Variants in SETBP1 observed in about 807,000 individuals in gnomAD.
SETBP1 encodes SET binding protein 1.
SETBP1 carries 9 observed loss-of-function variants against 101.0 expected under a neutral mutation model. The ratio of observed to expected loss-of-function variants is 0.09; its 90% CI spans 0.05 to 0.16. SETBP1 has a LOEUF of 0.16. Ranked by LOEUF, SETBP1 falls within the 10% of genes least tolerant of loss-of-function variation. The probability of loss-of-function intolerance (pLI) is 1.00; values close to 1 mark genes in which losing one functional copy is unlikely to be tolerated. For missense variants in SETBP1, 1,858 were observed against 2,033.8 expected, an observed-to-expected ratio of 0.91 and a Z score of 1.66; for synonymous variants, 818 against 788.5, an observed-to-expected ratio of 1.04 and a Z score of -0.63.
At chr18:45,030,216 A>T (rs2073262470) in intron 4 of SETBP1, among the ~76,000 whole-genome samples, 1 of 132,244 alleles carries the variant, frequency 7.6e-6, no homozygotes, top group Non-Finnish European at 1.6e-5. Flanking sequence ...AGTTTTTAGC[A>T]TGAAGGGTTG....
Position 44,952,916 on chromosome 18 carries a change from C to T in SETBP1, c.3576C>T (p.Ser1192=), listed in dbSNP as rs201826395. Residue 1192 remains serine, a synonymous_variant, in exon 4 of 6, where the codon AGC becomes AGT. Coordinates refer to ENST00000649279, the MANE Select transcript of SETBP1 (RefSeq NM_015559.3). ...SSHILSERLS[S]ADKELPLVSE... ...ACATCCTGAGCGAGCGGCTGAGTAG[C>T]GCAGACAAAGAGCTCCCGCTGGTGA... is the stretch of plus-strand genomic sequence containing the variant. 269 of 1,614,156 alleles carry T rather than the reference C, an allele frequency of 1.7e-4. 1 individual carries two copies. The highest frequency in any genetic ancestry group is 1.5e-3 in the Middle Eastern group (9 of 6,062).
At chr18:45,029,617 C>T (rs1353311126) in intron 4 of SETBP1, among the ~76,000 whole-genome samples, 3 of 152,172 alleles carry the variant, frequency 2.0e-5, no homozygotes, top group African/African-American at 7.2e-5. Flanking sequence ...TGGCCATTTT[C>T]ATGATATTGA....
intron 1 of SETBP1, among the ~76,000 whole-genome samples, chr18:44,686,102 A>G (rs2068835609): frequency 6.6e-6 from 1 of 152,242 alleles, no homozygotes; most frequent in South Asian, 2.1e-4. Flanking sequence ...TAGCCCCTCT[A>G]AAGAAAAGAA....
At chr18:44,986,241 A>G (rs2072230771) in intron 4 of SETBP1, 1 of 152,244 alleles carries the variant, frequency 6.6e-6, no homozygotes, top group Non-Finnish European at 1.5e-5. Flanking sequence ...GCATTTGAGT[A>G]TCTAAACATA....
At chr18:44,943,174 C>T (rs1175976927) in intron 3 of SETBP1, among the ~76,000 whole-genome samples, 1 of 152,156 alleles carries the variant, frequency 6.6e-6, no homozygotes, top group African/African-American at 2.4e-5. Context: ...GTGCATTCCT[C>T]CTGTTCATGA....
chr18:44,737,256 A>G (rs1310446677), intron 2 of SETBP1, among the ~76,000 whole-genome samples: 1 of 152,202 alleles, frequency 6.6e-6, no homozygotes, highest in Non-Finnish European at 1.5e-5. Flanking sequence ...GTCAGGCACA[A>G]ACTTCTTGGC....
rs116190208 is a variant in SETBP1, at chr18:45,033,929, G to T, written c.4001-4556G>T. 2.4e-3 allele frequency among the ~76,000 whole-genome samples: 359 copies of T among 152,304 alleles called. 2 individuals are homozygous for T. The highest frequency in any genetic ancestry group is 8.2e-3 in the African/African-American group (339 of 41,568). On this transcript the variant is annotated intron_variant, in intron 4 of 5. Coordinates refer to ENST00000649279, the MANE Select transcript of SETBP1 (RefSeq NM_015559.3). ...CTTATCTAGGAAAGGGTAGTAAATA[G>T]TAGCCATCCCACAAAGATTTTTGTT...
chr18:44,852,485 G>A (rs922574663), intron 2 of SETBP1, among the ~76,000 whole-genome samples: 6 of 152,116 alleles, frequency 3.9e-5, no homozygotes, highest in Non-Finnish European at 4.4e-5. Context: ...CAGAGGGTCC[G>A]GGGGCTCTTC....
At chr18:44,982,328 A>G (rs530391309) in intron 4 of SETBP1, among the ~76,000 whole-genome samples, 172 of 152,346 alleles carry the variant, frequency 1.1e-3, no homozygotes, top group Non-Finnish European at 1.9e-3. Context: ...AGATCCACAC[A>G]CCTTGGCTTC....
At chr18:44,949,164 C>T (rs1372327842) in intron 3 of SETBP1, among the ~76,000 whole-genome samples, 1 of 152,182 alleles carries the variant, frequency 6.6e-6, no homozygotes, top group Non-Finnish European at 1.5e-5. Context: ...TAGGACAATT[C>T]TTGTGTGTTT....
At chr18:44,902,231 T>TC (rs2070065087) in intron 3 of SETBP1, among the ~76,000 whole-genome samples, 1 of 40,950 alleles carries the variant, frequency 2.4e-5, no homozygotes, top group Non-Finnish European at 5.3e-5. Flanking sequence ...TATCTCTCTC[T>TC]TTCTCTCTCT....
Position 45,020,618 on chromosome 18 carries a change from G to A in SETBP1, c.4001-17867G>A, listed in dbSNP as rs892727800. Among the ~76,000 whole-genome samples the A allele has an allele frequency of 2.0e-5, 3 of 152,132 alleles. No homozygotes were observed. In the South Asian group the frequency reaches 6.2e-4, roughly 32 times the overall value. On this transcript the variant is annotated intron_variant, in intron 4 of 5. Coordinates refer to ENST00000649279, the MANE Select transcript of SETBP1 (RefSeq NM_015559.3). Reference sequence around the variant, plus strand: ...AAATGCAGAATCAGAAGGAATTAGAGGCCATAAAGAAACTCAGGACAAAAA... The same window carrying A: ...AAATGCAGAATCAGAAGGAATTAGAAGCCATAAAGAAACTCAGGACAAAAA...
intron 5 of SETBP1, among the ~76,000 whole-genome samples, chr18:45,052,315 C>T (rs2073735841): frequency 6.6e-6 from 1 of 152,158 alleles, no homozygotes; most frequent in South Asian, 2.1e-4. Context: ...AATGAGAGTC[C>T]ATGCATGGCT....
At chr18:44,864,636 T>C (rs1458924282) in intron 2 of SETBP1, among the ~76,000 whole-genome samples, 2 of 152,066 alleles carry the variant, frequency 1.3e-5, no homozygotes, top group Non-Finnish European at 2.9e-5. Flanking sequence ...ACCAGGGAGA[T>C]GAAAGAATTT....
intron 4 of SETBP1, among the ~76,000 whole-genome samples, chr18:45,032,644 T>C (rs2073320818): frequency 6.6e-6 from 1 of 152,146 alleles, no homozygotes; most frequent in Non-Finnish European, 1.5e-5. Flanking sequence ...GGGAGGAGAA[T>C]GGGGATAAAA....
chr18:45,015,951 A>G (rs112988465), intron 4 of SETBP1, among the ~76,000 whole-genome samples: 1 of 152,322 alleles, frequency 6.6e-6, no homozygotes, highest in Non-Finnish European at 1.5e-5. Context: ...GAGAAGAAGT[A>G]TTACCATTTT....
At chr18:44,773,497 C>T (rs2070920241) in intron 2 of SETBP1, among the ~76,000 whole-genome samples, 1 of 152,196 alleles carries the variant, frequency 6.6e-6, no homozygotes, top group African/African-American at 2.4e-5. Context: ...CCTCCCTCCC[C>T]TCTTCTTCAC....
At chr18:44,953,587 C>G (rs2071417074) in intron 4 of SETBP1, among the ~76,000 whole-genome samples, 1 of 152,340 alleles carries the variant, frequency 6.6e-6, no homozygotes, top group Admixed American at 6.5e-5. Flanking sequence ...TAATAGCTGC[C>G]TAGGCTGCAG....
At position 45,063,768 on chromosome 18, in the gene SETBP1, G is replaced by C; in HGVS notation, c.*70G>C. The C allele has an allele frequency of 4.6e-6, 7 of 1,523,882 alleles. No homozygotes were observed. Among genetic ancestry groups the C allele is most frequent in the Non-Finnish European group, 6.2e-6 (7 of 1,128,136 alleles). The allele number at this position is 1,523,882 out of a possible 1,614,324, so 94.4% of individuals were successfully genotyped here. A position where few individuals can be genotyped will look rare whatever the true frequency, so the allele number is the denominator to read the frequency against. ...TGGGAAGCGCAGTGAGCCGGGGCGG[G>C]GGCGGAATCCCCCGCTGCAGGGACA... On this transcript the variant is annotated 3_prime_UTR_variant, in exon 6 of 6. Coordinates refer to ENST00000649279, the MANE Select transcript of SETBP1 (RefSeq NM_015559.3).
Sources: allele counts gnomAD v4.1 joint callset (sites outside exome capture counted in the v4.1 genomes callset), GRCh38; gene constraint gnomAD v4.1.1; transcripts MANE v1.5; gene names NCBI Gene and HGNC (gene_info 2026-07-23, HGNC 2026-07-21).